Variants in RBM19 observed in about 807,000 individuals in gnomAD.
The protein encoded by RBM19 is RNA binding motif protein 19.
A neutral mutation model predicts 116.8 loss-of-function variants in RBM19; 94 were observed. The ratio of observed to expected loss-of-function variants is 0.80; its 90% CI spans 0.68 to 0.95. The LOEUF is 0.95. Ranked by LOEUF, RBM19 falls within the 40% of genes least tolerant of loss-of-function variation. The probability of loss-of-function intolerance (pLI) is 0.00; values close to 1 mark genes in which losing one functional copy is unlikely to be tolerated. For synonymous variants in RBM19, 475 were observed against 494.1 expected (o/e 0.96, Z 0.51); for missense variants, 1,161 against 1,220.7 (o/e 0.95, Z 0.73).
rs1233105031 is a variant in RBM19, at chr12:113,940,062, G to A, written c.1836C>T (p.Ser612=). 2 of 1,614,074 alleles carry A rather than the reference G, an allele frequency of 1.2e-6. No individual in the cohort carries two copies. Among genetic ancestry groups the A allele is most frequent in the Non-Finnish European group, 8.5e-7 (1 of 1,179,982 alleles). Residue 612 remains serine, a synonymous_variant, in exon 15 of 24, where the codon AGC becomes AGT. Coordinates refer to ENST00000261741, the MANE Select transcript of RBM19 (RefSeq NM_016196.4). ...QLQETFGHFG[S]LGRVLLPEGG... ...CCTCTGGCAGCAGCACGCGGCCCAG[G>A]CTGCCAAAATGGCCGAAGGTCTCCT... is the stretch of plus-strand genomic sequence containing the variant.
In RBM19 at chr12:113,920,646, G is replaced by C; in HGVS notation, c.2350C>G (p.Pro784Ala). The C allele has an allele frequency of 6.2e-7, 1 of 1,614,084 alleles. No individual in the cohort carries two copies. The highest frequency in any genetic ancestry group is 8.5e-7 in the Non-Finnish European group (1 of 1,180,006). Residue 784 changes from proline (P) to alanine (A), a missense_variant, in exon 19 of 24, where the codon CCG (proline) becomes GCG (alanine). Coordinates refer to ENST00000261741, the MANE Select transcript of RBM19 (RefSeq NM_016196.4). ...TTGAGAGCTTTCTGGGCTTGCTCCGGCTTCCTGTATTCCACAAATCCAAAC... is the reference window on the plus strand; with the variant it reads ...TTGAGAGCTTTCTGGGCTTGCTCCGCCTTCCTGTATTCCACAAATCCAAAC... ...MGFGFVEYRK[P>A]EQAQKALKQL...
rs764183967 is a variant in RBM19 at position 113,924,075 on chromosome 12, CGTA to C, written c.2305+619_2305+621del. 2.3e-3 allele frequency among the ~76,000 whole-genome samples: 357 copies of C among 152,294 alleles called. 5 individuals carry two copies. Among genetic ancestry groups the C allele is most frequent in the Middle Eastern group, 3.4e-3 (1 of 294 alleles). ...TGGCATGGCTGTGCGAAAGCAAGGA[CGTA>C]TCCCCTGCAGGAAGCCAGGGCTGGA... On this transcript the variant is annotated intron_variant, in intron 18 of 23. Transcript: ENST00000261741.
chr12:113,830,579 G>GT (rs1875310031), intron 23 of RBM19, among the ~76,000 whole-genome samples: 1 of 109,558 alleles, frequency 9.1e-6, no homozygotes, highest in Non-Finnish European at 2.0e-5. Flanking sequence ...GCGGGGCGGG[G>GT]GGGGGGGGGG....
intron 21 of RBM19, among the ~76,000 whole-genome samples, chr12:113,869,978 G>A (rs1879102435): frequency 6.6e-6 from 1 of 152,180 alleles, no homozygotes; most frequent in African/African-American, 2.4e-5. Context: ...GGGCTCCCAG[G>A]GCTGCTCCAC....
At position 113,962,234 on chromosome 12, in the gene RBM19, T is replaced by G; in HGVS notation, c.217A>C (p.Thr73Pro). ...NKSFIDTSRI[T>P]VEFCKSFGDP... ...GGGTGAGACTCCTGCCCACTCACTG[T>G]GATCCGGGATGTGTCGATGAAGCTC... is the stretch of plus-strand genomic sequence containing the variant. The change falls in exon 2 of 24, where the codon ACA becomes CCA. Residue 73 changes from threonine to proline, a missense_variant and splice_region_variant. Thr to Pro is a conservative substitution (Grantham distance 38). Transcript: ENST00000261741. 6.2e-7 allele frequency: 1 copy of G among 1,614,164 alleles called. No homozygotes were observed.
intron 13 of RBM19, among the ~76,000 whole-genome samples, chr12:113,945,148 A>G (rs1870909555): frequency 6.6e-6 from 1 of 152,234 alleles, no homozygotes; most frequent in Non-Finnish European, 1.5e-5. Flanking sequence ...CAAGTGTGAG[A>G]TGATGGAAAT....
Position 113,852,456 on chromosome 12 carries a change from T to A in RBM19, c.2664+6335A>T, listed in dbSNP as rs185523466. Among the ~76,000 whole-genome samples the A allele has an allele frequency of 2.9e-4, 44 of 152,248 alleles. 1 individual carries two copies. Among genetic ancestry groups the A allele is most frequent in the Admixed American group, 1.3e-4 (2 of 15,298 alleles). On this transcript the variant is annotated intron_variant, in intron 22 of 23. Transcript: ENST00000261741. ...GAAAACTTGGCAAAAAGCCCACAAT[T>A]ACAAAACAGTCATGAGCGCACACAC...
At chr12:113,938,153 G>A (rs1432154383) in intron 15 of RBM19, among the ~76,000 whole-genome samples, 1 of 152,100 alleles carries the variant, frequency 6.6e-6, no homozygotes. Context: ...CTCCAACTGT[G>A]GCTCACACAG....
chr12:113,942,891 G>A (rs756305339), intron 13 of RBM19, among the ~76,000 whole-genome samples: 3 of 152,140 alleles, frequency 2.0e-5, no homozygotes, highest in Non-Finnish European at 4.4e-5. Context: ...GATTACAGGC[G>A]TGAGCCACTG....
At chr12:113,908,606 T>C (rs575591623) in intron 21 of RBM19, among the ~76,000 whole-genome samples, 2 of 93,424 alleles carry the variant, frequency 2.1e-5, no homozygotes, top group South Asian at 8.5e-4. Flanking sequence ...AAAAAAAAGA[T>C]GCTGAGATAA....
chr12:113,893,904 G>A (rs1020755690), intron 21 of RBM19, among the ~76,000 whole-genome samples: 2 of 152,232 alleles, frequency 1.3e-5, no homozygotes, highest in African/African-American at 4.8e-5. Context: ...AGCGTAGATG[G>A]AGAGTATCTT....
chr12:113,874,086 A>AT (rs1879489879), intron 21 of RBM19, among the ~76,000 whole-genome samples: 1 of 152,218 alleles, frequency 6.6e-6, no homozygotes, highest in Admixed American at 6.5e-5. Flanking sequence ...CACGACTAGC[A>AT]TTTGCTGTCA....
At chr12:113,885,525 T>C (rs1270043994) in intron 21 of RBM19, among the ~76,000 whole-genome samples, 1 of 152,232 alleles carries the variant, frequency 6.6e-6, no homozygotes, top group South Asian at 2.1e-4. Flanking sequence ...GTGGTAGCAT[T>C]TGGAATAAGA....
intron 21 of RBM19, 36 bp downstream of exon 21, chr12:113,914,933 C>G: frequency 6.4e-7 from 1 of 1,574,778 alleles, no homozygotes; most frequent in South Asian, 1.1e-5. Context: ...TCCCCGCCCA[C>G]ACGCCAGTCC....
At chr12:113,863,670 C>T (rs1593501111) in intron 21 of RBM19, among the ~76,000 whole-genome samples, 1 of 152,148 alleles carries the variant, frequency 6.6e-6, no homozygotes, top group Admixed American at 6.5e-5. Flanking sequence ...ATAACTTCTC[C>T]CCACCTGCAC....
intron 23 of RBM19, among the ~76,000 whole-genome samples, chr12:113,831,684 A>G (rs1267374225): frequency 2.0e-5 from 3 of 152,248 alleles, no homozygotes; most frequent in African/African-American, 7.2e-5. Context: ...AGAGAACACA[A>G]GTCAATAACA....
intron 21 of RBM19, among the ~76,000 whole-genome samples, chr12:113,891,991 A>G (rs1270569350): frequency 2.0e-5 from 3 of 152,202 alleles, no homozygotes; most frequent in Admixed American, 6.5e-5. Context: ...CATCCTGAAT[A>G]ACCCTGTCTG....
At chr12:113,908,025 C>A (rs1490819720) in intron 21 of RBM19, among the ~76,000 whole-genome samples, 2 of 152,132 alleles carry the variant, frequency 1.3e-5, no homozygotes, top group Non-Finnish European at 2.9e-5. Context: ...AGGAGAGACA[C>A]CTGGGGTCAG....
intron 18 of RBM19, among the ~76,000 whole-genome samples, chr12:113,921,122 C>A (rs532223429): frequency 5.3e-5 from 8 of 152,284 alleles, no homozygotes; most frequent in African/African-American, 1.4e-4. Context: ...ATATTTCTCA[C>A]CAGCCAATCA....
Sources: allele counts gnomAD v4.1 joint callset (sites outside exome capture counted in the v4.1 genomes callset), GRCh38; gene constraint gnomAD v4.1.1; transcripts MANE v1.5; gene names NCBI Gene and HGNC (gene_info 2026-07-23, HGNC 2026-07-21).